The following TBC1D22A variants were observed in gnomAD, a reference collection of about 807,000 sequenced individuals.
The protein encoded by TBC1D22A is TBC1 domain family member 22A.
A neutral mutation model predicts 60.2 loss-of-function variants in TBC1D22A; 38 were observed. That is an observed-to-expected ratio of 0.63 (90% CI 0.49 to 0.83). TBC1D22A has a LOEUF of 0.83. Ranked by LOEUF, TBC1D22A falls within the 40% of genes least tolerant of loss-of-function variation. The pLI is 0.00. For missense variants in TBC1D22A, 628 were observed against 701.0 expected (o/e 0.90, Z 1.18); for synonymous variants, 302 against 281.7 (o/e 1.07, Z -0.72).
intron 4 of TBC1D22A, among the ~76,000 whole-genome samples, chr22:46,802,591 GAGA>G (rs1473730315): frequency 6.6e-6 from 1 of 152,234 alleles, no homozygotes; most frequent in Non-Finnish European, 1.5e-5. Context: ...AGAAGTCCAG[GAGA>G]AGGAGCTCTG....
At chr22:46,951,981 A>G (rs1383224934) in intron 8 of TBC1D22A, among the ~76,000 whole-genome samples, 1 of 152,346 alleles carries the variant, frequency 6.6e-6, no homozygotes, top group Non-Finnish European at 1.5e-5. Context: ...TAAGAGCAGA[A>G]GTCACAGAGC....
At chr22:46,970,947 C>T (rs2074024359) in intron 8 of TBC1D22A, among the ~76,000 whole-genome samples, 1 of 152,168 alleles carries the variant, frequency 6.6e-6, no homozygotes, top group Non-Finnish European at 1.5e-5. Flanking sequence ...TGTCCTGGCC[C>T]TCACCCCGCT....
intron 7 of TBC1D22A, among the ~76,000 whole-genome samples, chr22:46,910,348 C>T (rs935433887): frequency 6.6e-6 from 1 of 152,028 alleles, no homozygotes. Context: ...TTTGTAGGTC[C>T]CGGGTTGATG....
intron 12 of TBC1D22A, among the ~76,000 whole-genome samples, chr22:47,168,075 C>T (rs912310101): frequency 2.0e-5 from 3 of 152,242 alleles, no homozygotes; most frequent in Non-Finnish European, 4.4e-5. Context: ...TGAACGTGGC[C>T]GTGGGGCACA....
At chr22:46,974,477 C>T in intron 9 of TBC1D22A, 78 bp downstream of exon 9, 1 of 1,228,102 alleles carries the variant, frequency 8.1e-7, no homozygotes, top group Non-Finnish European at 1.2e-6. Flanking sequence ...TTAGGCTGCT[C>T]CTGAGTCTCA....
At chr22:46,807,764 A>G (rs1451033335) in intron 4 of TBC1D22A, among the ~76,000 whole-genome samples, 2 of 152,162 alleles carry the variant, frequency 1.3e-5, no homozygotes, top group Non-Finnish European at 2.9e-5. Flanking sequence ...TGCATTGCAC[A>G]CTGCTTTGCT....
At chr22:46,836,115 G>T (rs2086507222) in intron 4 of TBC1D22A, among the ~76,000 whole-genome samples, 1 of 152,184 alleles carries the variant, frequency 6.6e-6, no homozygotes, top group Non-Finnish European at 1.5e-5. Flanking sequence ...TTAGTAACAT[G>T]AAAACCTATG....
intron 10 of TBC1D22A, among the ~76,000 whole-genome samples, chr22:47,010,460 T>C (rs1361520524): frequency 6.6e-6 from 1 of 152,232 alleles, no homozygotes; most frequent in Non-Finnish European, 1.5e-5. Context: ...ATTGCTGTTA[T>C]GTGCGACCTA....
chr22:47,006,856 A>G (rs553908555), intron 10 of TBC1D22A, among the ~76,000 whole-genome samples: 1 of 152,024 alleles, frequency 6.6e-6, no homozygotes, highest in Admixed American at 6.6e-5. Context: ...TTTGTGCCCA[A>G]CCACACCAGT....
intron 11 of TBC1D22A, among the ~76,000 whole-genome samples, chr22:47,055,717 C>G (rs1312236408): frequency 6.6e-5 from 10 of 152,016 alleles, no homozygotes; most frequent in Non-Finnish European, 1.3e-4. Context: ...TGGGGAGGAG[C>G]TGTTCTGGCC....
intron 8 of TBC1D22A, among the ~76,000 whole-genome samples, chr22:46,925,984 G>A (rs1402988980): frequency 6.6e-6 from 1 of 152,144 alleles, no homozygotes; most frequent in African/African-American, 2.4e-5. Context: ...GACCACAGTG[G>A]CATTAAGTTA....
At chr22:46,979,609 T>C (rs1190315933) in intron 9 of TBC1D22A, among the ~76,000 whole-genome samples, 1 of 152,128 alleles carries the variant, frequency 6.6e-6, no homozygotes, top group African/African-American at 2.4e-5. Context: ...GTAAGATGAG[T>C]GACCTTTCCT....
intron 7 of TBC1D22A, among the ~76,000 whole-genome samples, chr22:46,904,060 A>G (rs909049833): frequency 6.6e-6 from 1 of 151,704 alleles, no homozygotes; most frequent in African/African-American, 2.4e-5. Flanking sequence ...ATGTATATAT[A>G]TATGTGTATG....
At position 47,000,530 on chromosome 22, in the gene TBC1D22A, G is replaced by A. The variant is rs1358957814; in HGVS notation, c.1201+2821G>A. On this transcript the variant is annotated intron_variant, in intron 10 of 12. Coordinates refer to ENST00000337137, the MANE Select transcript of TBC1D22A (RefSeq NM_014346.5). Reference sequence around the variant, plus strand: ...AAGAGAGAGGGCTGTGTCTGTAATGGAAGCCGCGTGGAAAGGAGGATGGGC... The same window carrying A: ...AAGAGAGAGGGCTGTGTCTGTAATGAAAGCCGCGTGGAAAGGAGGATGGGC... Among the ~76,000 whole-genome samples the A allele has an allele frequency of 2.6e-5, 4 of 152,338 alleles. No individual in the cohort carries two copies. In the East Asian group the frequency reaches 7.7e-4, roughly 29 times the overall value.
chr22:47,061,764 G>A (rs528366963), intron 11 of TBC1D22A, among the ~76,000 whole-genome samples: 4 of 152,164 alleles, frequency 2.6e-5, no homozygotes, highest in Admixed American at 2.0e-4. Flanking sequence ...TTCCTTAAAA[G>A]TGTTCATCTA....
intron 11 of TBC1D22A, among the ~76,000 whole-genome samples, chr22:47,090,079 T>A (rs1455577908): frequency 5.9e-5 from 9 of 152,126 alleles, no homozygotes; most frequent in African/African-American, 2.2e-4. Flanking sequence ...GTGCTAGGTC[T>A]GTGGGGTCCC....
intron 11 of TBC1D22A, among the ~76,000 whole-genome samples, chr22:47,095,057 T>C (rs1051092247): frequency 6.6e-6 from 1 of 152,260 alleles, no homozygotes; most frequent in African/African-American, 2.4e-5. Context: ...AAATGTGATG[T>C]ACAGCTCTTA....
intron 4 of TBC1D22A, among the ~76,000 whole-genome samples, chr22:46,826,076 T>A (rs529166421): frequency 1.1e-4 from 17 of 152,108 alleles, no homozygotes; most frequent in Middle Eastern, 6.8e-3. Context: ...TGAGATGGGG[T>A]TTCACCGTGT....
chr22:46,889,853 C>T (rs1201832035), intron 5 of TBC1D22A, among the ~76,000 whole-genome samples: 1 of 152,132 alleles, frequency 6.6e-6, no homozygotes, highest in African/African-American at 2.4e-5. Context: ...GCAGAGGATA[C>T]TGGGAAGTAT....
Sources: gnomAD v4.1 joint callset for allele counts (sites outside exome capture counted in the v4.1 genomes callset) on GRCh38, gnomAD v4.1.1 for gene constraint, MANE v1.5 for transcripts, NCBI Gene and HGNC (gene_info 2026-07-23, HGNC 2026-07-21) for gene names.